The following OR10A6 variants were observed in gnomAD, a reference collection of about 807,000 sequenced individuals.
OR10A6 encodes the protein olfactory receptor family 10 subfamily A member 6 (gene/pseudogene), also known as olfactory receptor 10A6.
A neutral mutation model predicts 1.5 loss-of-function variants in OR10A6; 2 were observed. That is an observed-to-expected ratio of 1.31 (90% CI 0.54 to 4.13). The LOEUF is 4.13. Among genes scored for constraint, OR10A6 ranks in the 30% most tolerant of loss-of-function variants. The pLI, the probability that OR10A6 is intolerant of heterozygous loss-of-function variation, is 0.07. For missense variants in OR10A6, 492 were observed against 368.6 expected, an observed-to-expected ratio of 1.33 and a Z score of -2.74; for synonymous variants, 169 against 137.3, an observed-to-expected ratio of 1.23 and a Z score of -1.61.
Position 7,928,732 on chromosome 11 carries a change from C to G in OR10A6, c.-70G>C. ...ACAGAATAAAGCCACAGTCCATTAGCTAAGAGTTCCAGTCTGCATTCACCC... is the reference window on the plus strand; with the variant it reads ...ACAGAATAAAGCCACAGTCCATTAGGTAAGAGTTCCAGTCTGCATTCACCC... On this transcript the variant is annotated 5_prime_UTR_variant, in exon 4 of 4. Transcript: ENST00000641238. 9.0e-7 allele frequency: 1 copy of G among 1,116,970 alleles called. No individual in the cohort carries two copies. Among genetic ancestry groups the G allele is most frequent in the Non-Finnish European group, 1.2e-6 (1 of 809,488 alleles). 69.2% of individuals were successfully genotyped at this position (1,116,970 alleles called of 1,614,324 possible). A position where few individuals can be genotyped will look rare whatever the true frequency, so the allele number is the denominator to read the frequency against.
chr11:7,929,730 A>G lies in OR10A6; in HGVS notation c.-1068T>C, dbSNP rs1385000923. On this transcript the variant is annotated 5_prime_UTR_variant, in exon 4 of 4. Transcript: ENST00000641238. ...TCTCTCTTTCTATGTGTACATATAT[A>G]TATATATATATATATATATATATAT... 2 of 25,518 alleles carry G rather than the reference A, an allele frequency of 7.8e-5. No homozygotes were observed. Among genetic ancestry groups the G allele is most frequent in the African/African-American group, 1.7e-4 (2 of 11,700 alleles). 1.6% of individuals were successfully genotyped at this position (25,518 alleles called of 1,614,324 possible).
rs761121692 is a variant in OR10A6 at position 7,927,965 on chromosome 11, C to A, written c.698G>T (p.Gly233Val). The A allele has an allele frequency of 1.2e-6, 2 of 1,613,816 alleles. No individual in the cohort carries two copies. Among genetic ancestry groups the A allele is most frequent in the Non-Finnish European group, 1.7e-6 (2 of 1,179,962 alleles). ...ACAGGTGGAAAAGGCCTTTTGTCTC[C>A]CAGTGGTTGATGGCATCTTCAGGAT... ...FAILKMPSTT[G>V]RQKAFSTCAA... is the part of the protein sequence containing the mutation. Residue 233 changes from glycine to valine, a missense_variant, in exon 4 of 4, where the codon GGG (glycine) becomes GTG (valine). Coordinates refer to ENST00000641238, the MANE Select transcript of OR10A6 (RefSeq NM_001004461.2).
In OR10A6 at chr11:7,927,768, T is replaced by C; in HGVS notation, c.895A>G (p.Arg299Gly). ...IYSLRNSEMK[R>G]ALMKLWRRRV... ...CTTCGCCATAATTTCATCAAAGCCC[T>C]CTTCATCTCACTATTTCGCAAACTG... Residue 299 changes from arginine to glycine, a missense_variant, in exon 4 of 4, where the codon AGG (arginine) becomes GGG (glycine). Physicochemically the swap from Arg to Gly is moderately radical, Grantham distance 125 (BLOSUM62 -2). Coordinates refer to ENST00000641238, the MANE Select transcript of OR10A6 (RefSeq NM_001004461.2). 6.2e-7 allele frequency: 1 copy of C among 1,613,936 alleles called. No homozygotes were observed. The highest frequency in any genetic ancestry group is 8.5e-7 in the Non-Finnish European group (1 of 1,179,904).
Position 7,927,625 on chromosome 11 carries a change from C to A in OR10A6, c.*93G>T. The stretch of plus-strand genomic sequence containing the variant: ...ACACAATAAATTAGTCATACTCATG[C>A]CAAAAAATGCAAACTTAATGAATCT... On this transcript the variant is annotated 3_prime_UTR_variant, in exon 4 of 4. Transcript: ENST00000641238. The A allele has an allele frequency of 1.2e-6, 1 of 832,190 alleles. No homozygotes were observed. The highest frequency in any genetic ancestry group is 2.0e-5 in the South Asian group (1 of 49,278). The allele number at this position is 832,190 out of a possible 1,614,324, so 51.6% of individuals were successfully genotyped here. A position where few individuals can be genotyped will look rare whatever the true frequency, so the allele number is the denominator to read the frequency against.
Position 7,928,417 on chromosome 11 carries a change from C to A in OR10A6, c.246G>T (p.Leu82=). The change falls in exon 4 of 4, where the codon CTG becomes CTT. Residue 82 remains leucine, a synonymous_variant. Coordinates refer to ENST00000641238, the MANE Select transcript of OR10A6 (RefSeq NM_001004461.2). ...TAGTTTTTTCAGTAGAGAGGACCAC[C>A]AGCATTTCAGGCATAATAACTGCAC... ...SFSAVIMPEM[L]VVLSTEKTTI... 3.1e-6 allele frequency: 5 copies of A among 1,613,854 alleles called. No homozygotes were observed. Among genetic ancestry groups the A allele is most frequent in the Non-Finnish European group, 4.2e-6 (5 of 1,179,898 alleles).
chr11:7,928,567 C>G lies in OR10A6; in HGVS notation c.96G>C (p.Leu32=). ...ELQGQLFVAF[L]VIYLVTLIGN... is the part of the protein sequence containing the mutation. Reference sequence around the variant, plus strand: ...CTATCAGGGTCACCAGATAAATAACCAGGAAAGCCACAAAGAGCTGCCCCT... The same window carrying G: ...CTATCAGGGTCACCAGATAAATAACGAGGAAAGCCACAAAGAGCTGCCCCT... Residue 32 remains leucine (L), a synonymous_variant, in exon 4 of 4, where the codon CTG becomes CTC. Coordinates refer to ENST00000641238, the MANE Select transcript of OR10A6 (RefSeq NM_001004461.2). 1.9e-6 allele frequency: 3 copies of G among 1,613,846 alleles called. No individual in the cohort carries two copies. The highest frequency in any genetic ancestry group is 2.5e-6 in the Non-Finnish European group (3 of 1,179,852).
Position 7,928,697 on chromosome 11 carries a change from C to T in OR10A6, c.-35G>A. 6.8e-7 allele frequency: 1 copy of T among 1,473,598 alleles called. No individual in the cohort carries two copies. The allele number at this position is 1,473,598 out of a possible 1,614,324, so 91.3% of individuals were successfully genotyped here. A position where few individuals can be genotyped will look rare whatever the true frequency, so the allele number is the denominator to read the frequency against. ...TGAAGTCGTGCATTGATTTTATGGA[C>T]ATAGTATATACAGAATAAAGCCACA... On this transcript the variant is annotated 5_prime_UTR_variant, in exon 4 of 4. An upstream start codon of the reference 5' UTR is lost. Transcript: ENST00000641238.
Position 7,927,617 on chromosome 11 carries a change from T to C in OR10A6, c.*101A>G. 1.4e-6 allele frequency: 1 copy of C among 735,902 alleles called. No homozygotes were observed. Among genetic ancestry groups the C allele is most frequent in the Non-Finnish European group, 2.2e-6 (1 of 446,144 alleles). 45.6% of individuals were successfully genotyped at this position (735,902 alleles called of 1,614,324 possible). ...CTTGGAGAACACAATAAATTAGTCA[T>C]ACTCATGCCAAAAAATGCAAACTTA... is the stretch of plus-strand genomic sequence containing the variant. On this transcript the variant is annotated 3_prime_UTR_variant, in exon 4 of 4. Transcript: ENST00000641238.
rs188347442 is a variant in OR10A6, at chr11:7,926,072, C to G, written c.*1646G>C. ...ATTGGTTTTTCTACACTGTCATGCC[C>G]ACCTTTGAGTGGTGTCTTCACTTTA... On this transcript the variant is annotated 3_prime_UTR_variant, in exon 4 of 4. Transcript: ENST00000641238. 6.6e-6 allele frequency: 1 copy of G among 152,312 alleles called. No individual in the cohort carries two copies. The highest frequency in any genetic ancestry group is 1.9e-4 in the East Asian group (1 of 5,182). The allele number at this position is 152,312 out of a possible 1,614,324, so 9.4% of individuals were successfully genotyped here. A position where few individuals can be genotyped will look rare whatever the true frequency, so the allele number is the denominator to read the frequency against.
chr11:7,927,112 A>G lies in OR10A6; in HGVS notation c.*606T>C, dbSNP rs10769854. 1.3e-5 allele frequency: 2 copies of G among 151,972 alleles called. No homozygotes were observed. The highest frequency in any genetic ancestry group is 2.9e-5 in the Non-Finnish European group (2 of 68,002). The allele number at this position is 151,972 out of a possible 1,614,324, so 9.4% of individuals were successfully genotyped here. ...GAAGATATCTAGTTTTGAATTATAG[A>G]CTCTCTGGGTCCCTGAGTAGAGACA... On this transcript the variant is annotated 3_prime_UTR_variant, in exon 4 of 4. Transcript: ENST00000641238.
rs1453309965 is a variant in OR10A6, at chr11:7,924,860, G to GA, written c.*2857dup. ...GCTTGTTTCAGGTAGAAGGAAGGAG[G>GA]AGGTTGAAGAGCAAAAAGTCCTTAT... On this transcript the variant is annotated 3_prime_UTR_variant, in exon 4 of 4. Transcript: ENST00000641238. 1 of 152,114 alleles carries GA rather than the reference G, an allele frequency of 6.6e-6. No homozygotes were observed. Among genetic ancestry groups the GA allele is most frequent in the Admixed American group, 6.6e-5 (1 of 15,246 alleles). The allele number at this position is 152,114 out of a possible 1,614,324, so 9.4% of individuals were successfully genotyped here.
At position 7,927,917 on chromosome 11, in the gene OR10A6, G is replaced by C; in HGVS notation, c.746C>G (p.Thr249Ser). Residue 249 changes from threonine to serine, a missense_variant, in exon 4 of 4, where the codon ACC (threonine) becomes AGC (serine). Thr to Ser is a moderately conservative substitution (Grantham distance 58). Coordinates refer to ENST00000641238, the MANE Select transcript of OR10A6 (RefSeq NM_001004461.2). ...CATACTGGCTGTGCCATAGAATAGG[G>C]TCACAGATGTGAGGTGAGCGGCACA... ...STCAAHLTSV[T>S]LFYGTASMTY... is the part of the protein sequence containing the mutation. 1 of 1,613,968 alleles carries C rather than the reference G, an allele frequency of 6.2e-7. No individual in the cohort carries two copies. Among genetic ancestry groups the C allele is most frequent in the Non-Finnish European group, 8.5e-7 (1 of 1,179,990 alleles).
In OR10A6 at chr11:7,928,455, C is replaced by G. The variant is rs983420891; in HGVS notation, c.208G>C (p.Asp70His). The G allele has an allele frequency of 7.4e-6, 12 of 1,613,728 alleles. No homozygotes were observed. The highest frequency in any genetic ancestry group is 1.7e-5 in the Admixed American group (1 of 59,964). ...YLFLLNLSVV[D>H]LSFSAVIMPE... is the part of the protein sequence containing the mutation. ...ATAATAACTGCACTGAAACTCAGGT[C>G]CACCACAGATAAGTTCAGGAGAAAC... The change falls in exon 4 of 4, where the codon GAC becomes CAC. Residue 70 changes from aspartate to histidine, a missense_variant. Coordinates refer to ENST00000641238, the MANE Select transcript of OR10A6 (RefSeq NM_001004461.2).
chr11:7,928,833 C>G lies in OR10A6; in HGVS notation c.-171G>C. Reference sequence around the variant, plus strand: ...GGCAATTTTAGACAATGACCAAATACTTGGATTATATTCCAAATATAAAAA... The same window carrying G: ...GGCAATTTTAGACAATGACCAAATAGTTGGATTATATTCCAAATATAAAAA... On this transcript the variant is annotated 5_prime_UTR_variant, in exon 4 of 4. Transcript: ENST00000641238. 2.4e-6 allele frequency: 1 copy of G among 419,242 alleles called. No homozygotes were observed. Among genetic ancestry groups the G allele is most frequent in the East Asian group, 3.4e-5 (1 of 29,070 alleles). The allele number at this position is 419,242 out of a possible 1,614,324, so 26.0% of individuals were successfully genotyped here.
rs1302686281 is a variant in OR10A6 at position 7,930,495 on chromosome 11, A to G, written c.-1833T>C. 1.3e-5 allele frequency: 2 copies of G among 152,174 alleles called. No individual in the cohort carries two copies. Among genetic ancestry groups the G allele is most frequent in the South Asian group, 2.1e-4 (1 of 4,830 alleles). The allele number at this position is 152,174 out of a possible 1,614,324, so 9.4% of individuals were successfully genotyped here. On this transcript the variant is annotated 5_prime_UTR_variant, in exon 4 of 4. Transcript: ENST00000641238. Reference sequence around the variant, plus strand: ...TGGACACAGCAAGTTGAAGGCATACAGTGCTGTCTTGAGTGCAGACCTGTA... The same window carrying G: ...TGGACACAGCAAGTTGAAGGCATACGGTGCTGTCTTGAGTGCAGACCTGTA...
rs1859457099 is a variant in OR10A6, at chr11:7,928,300, GTCAT to G, written c.359_362del (p.Tyr120SerfsTer14). 1.9e-6 allele frequency: 3 copies of G among 1,613,700 alleles called. No individual in the cohort carries two copies. The Admixed American group carries it at 5.0e-5, about 27-fold the overall frequency. ...GAGGATGGCAAATTGCAGCAAATCG[GTCAT>G]AAGCCATTGCTCCCAGAAGAAAACA... On this transcript the variant is annotated frameshift_variant, in exon 4 of 4. Coordinates refer to ENST00000641238, the MANE Select transcript of OR10A6 (RefSeq NM_001004461.2). LOFTEE classifies it low-confidence loss of function (END_TRUNC).
chr11:7,929,966 G>GTATATATGTGTGTATATATATATATA lies in OR10A6; in HGVS notation c.-1305_-1304insTATATATATATATACACACATATATA, dbSNP rs1859500292. ...TCTAGTAAGGTATGTGTATGTGTAT[G>GTATATATGTGTGTATATATATATATA]TATATATATATATATATATATATAT... is the stretch of plus-strand genomic sequence containing the variant. On this transcript the variant is annotated 5_prime_UTR_variant, in exon 4 of 4. Coordinates refer to ENST00000641238, the MANE Select transcript of OR10A6 (RefSeq NM_001004461.2). The GTATATATGTGTGTATATATATATATA allele has an allele frequency of 1.7e-5, 1 of 57,260 alleles. No individual in the cohort carries two copies. The highest frequency in any genetic ancestry group is 3.2e-5 in the Non-Finnish European group (1 of 31,394). The allele number at this position is 57,260 out of a possible 1,614,324, so 3.5% of individuals were successfully genotyped here.
Position 7,927,588 on chromosome 11 carries a change from C to A in OR10A6, c.*130G>T. 1 of 604,134 alleles carries A rather than the reference C, an allele frequency of 1.7e-6. No individual in the cohort carries two copies. 37.4% of individuals were successfully genotyped at this position (604,134 alleles called of 1,614,324 possible). The stretch of plus-strand genomic sequence containing the variant: ...TATAAAGATGCTCCTGATATACAAT[C>A]AAACTTGGAGAACACAATAAATTAG... On this transcript the variant is annotated 3_prime_UTR_variant, in exon 4 of 4. Transcript: ENST00000641238.
rs1589977148 is a variant in OR10A6, at chr11:7,925,302, A to C, written c.*2416T>G. ...GCGATTATTTCTATCTCCTCACATA[A>C]CATCACAAATGTATAAATTCCCAGC... On this transcript the variant is annotated 3_prime_UTR_variant, in exon 4 of 4. Coordinates refer to ENST00000641238, the MANE Select transcript of OR10A6 (RefSeq NM_001004461.2). The C allele has an allele frequency of 6.6e-6, 1 of 152,214 alleles. No homozygotes were observed. Among genetic ancestry groups the C allele is most frequent in the African/African-American group, 2.4e-5 (1 of 41,460 alleles). 9.4% of individuals were successfully genotyped at this position (152,214 alleles called of 1,614,324 possible). A position where few individuals can be genotyped will look rare whatever the true frequency, so the allele number is the denominator to read the frequency against.
Sources: allele counts gnomAD v4.1 joint callset, GRCh38; gene constraint gnomAD v4.1.1; transcripts MANE v1.5; gene names NCBI Gene and HGNC (gene_info 2026-07-23, HGNC 2026-07-21).